The following TENM4 variants were observed in gnomAD, a reference collection of about 807,000 sequenced individuals.
TENM4 encodes teneurin transmembrane protein 4, also known as teneurin-4.
A neutral mutation model predicts 243.3 loss-of-function variants in TENM4; 82 were observed. The observed-to-expected ratio is 0.34, with a 90% CI of 0.28 to 0.40. The LOEUF (loss-of-function observed/expected upper bound fraction) is 0.40, where lower values mean the gene tolerates loss of function less well. TENM4 is among the 10% of genes least tolerant of loss of function. The pLI, the probability that TENM4 is intolerant of heterozygous loss-of-function variation, is 1.00. For synonymous variants in TENM4, 1,412 were observed against 1,456.3 expected (o/e 0.97, Z 0.69); for missense variants, 3,138 against 3,673.3 (o/e 0.85, Z 3.77).
chr11:78,758,412 T>TGGTA lies in TENM4; in HGVS notation c.2540-1395_2540-1392dup, dbSNP rs1309565213. On this transcript the variant is annotated intron_variant, in intron 18 of 33. Coordinates refer to ENST00000278550, the MANE Select transcript of TENM4 (RefSeq NM_001098816.3). ...TCCCATTGAGGTAAGCAGTGTGCTA[T>TGGTA]GGTAGGAGGACCATGATGTTCAGAG... is the stretch of plus-strand genomic sequence containing the variant. 1.8e-4 allele frequency among the ~76,000 whole-genome samples: 27 copies of TGGTA among 152,342 alleles called. No individual in the cohort carries two copies. The South Asian group carries it at 5.6e-3, about 32-fold the overall frequency.
chr11:78,699,625 A>G (rs1413708945), intron 28 of TENM4, among the ~76,000 whole-genome samples: 1 of 152,258 alleles, frequency 6.6e-6, no homozygotes, highest in African/African-American at 2.4e-5. Context: ...AGTCTTTGGA[A>G]TTCCAGACGC....
In TENM4 at chr11:79,151,587, C is replaced by T. The variant is rs560569915; in HGVS notation, c.-162-2781G>A. Among the ~76,000 whole-genome samples, 26 of 152,170 alleles carry T rather than the reference C, an allele frequency of 1.7e-4. No homozygotes were observed. The South Asian group carries it at 4.4e-3, about 26-fold the overall frequency. On this transcript the variant is annotated intron_variant, in intron 3 of 33. Transcript: ENST00000278550. ...AGTCATCCATGGGACCTGGCCGGGG[C>T]GCTTTCCGAGGTTACTAAACTAGAT...
At chr11:79,396,661 A>G (rs1409286950) in intron 1 of TENM4, among the ~76,000 whole-genome samples, 2 of 152,212 alleles carry the variant, frequency 1.3e-5, no homozygotes, top group Non-Finnish European at 2.9e-5. Context: ...ATAGCGCTCC[A>G]GCGGCCAAGC....
In TENM4 at chr11:78,854,137, A is replaced by C. The variant is rs1206617501; in HGVS notation, c.1648T>G (p.Ser550Ala). 2 of 1,551,444 alleles carry C rather than the reference A, an allele frequency of 1.3e-6. No individual in the cohort carries two copies. The highest frequency in any genetic ancestry group is 1.7e-6 in the Non-Finnish European group (2 of 1,146,922). ...HLAFYNDGKE[S>A]EVVSFLTTAI... ...GTGGTGAGAAAGGAAACCACTTCTG[A>C]CTCCTTTCCGTCATTGTAAAAAGCC... Residue 550 changes from serine (S) to alanine (A), a missense_variant, in exon 12 of 34, where the codon TCA becomes GCA. Ser to Ala is a moderately conservative substitution (Grantham distance 99, BLOSUM62 1). Around this residue, in one of 2 missense-constraint regions of TENM4, gnomAD observed 2,467 missense variants for 3,059.1 expected, o/e 0.81. Coordinates refer to ENST00000278550, the MANE Select transcript of TENM4 (RefSeq NM_001098816.3).
At chr11:78,817,922 C>T (rs756648896) in intron 12 of TENM4, among the ~76,000 whole-genome samples, 2 of 152,120 alleles carry the variant, frequency 1.3e-5, no homozygotes, top group Non-Finnish European at 2.9e-5. Flanking sequence ...AATGCCACCT[C>T]CTTGGAAAGG....
At chr11:79,198,391 G>T (rs904325498) in intron 3 of TENM4, among the ~76,000 whole-genome samples, 18 of 152,210 alleles carry the variant, frequency 1.2e-4, no homozygotes, top group Non-Finnish European at 1.9e-4. Flanking sequence ...GGCCTGGGGA[G>T]GCGCCAGGCC....
intron 6 of TENM4, among the ~76,000 whole-genome samples, chr11:79,025,583 TA>T (rs1859058729): frequency 6.6e-6 from 1 of 152,204 alleles, no homozygotes; most frequent in African/African-American, 2.4e-5. Flanking sequence ...TAGGTATTAT[TA>T]TTATCTCTAT....
intron 27 of TENM4, among the ~76,000 whole-genome samples, chr11:78,705,797 A>G (rs1462560071): frequency 6.6e-6 from 1 of 152,214 alleles, no homozygotes; most frequent in Non-Finnish European, 1.5e-5. Context: ...CACAATTGCT[A>G]CATGTGTCAC....
At chr11:79,295,850 CCG>C (rs1565287652) in intron 2 of TENM4, among the ~76,000 whole-genome samples, 1,289 of 91,682 alleles carry the variant, frequency 0.014, 21 homozygotes, top group African/African-American at 0.055. Context: ...AAAATTACAC[CCG>C]TAAGTGTTTT....
rs1221374639 is a variant in TENM4, at chr11:79,424,683, C to T, written c.-321+15826G>A. 4.0e-5 allele frequency among the ~76,000 whole-genome samples: 6 copies of T among 151,490 alleles called. No homozygotes were observed. The East Asian group carries it at 1.2e-3, about 30-fold the overall frequency. On this transcript the variant is annotated intron_variant, in intron 1 of 33. Transcript: ENST00000278550. The stretch of plus-strand genomic sequence containing the variant: ...GGCACAGAGGCTCACGCCTGTAATC[C>T]CAACACTTTGGGAGGCCGAGGCGGG...
rs577017649 is a variant in TENM4, at chr11:79,271,707, C to T, written c.-265+25781G>A. On this transcript the variant is annotated intron_variant, in intron 2 of 33. Coordinates refer to ENST00000278550, the MANE Select transcript of TENM4 (RefSeq NM_001098816.3). ...TGCCAGAGTGGTCCTGGCACGGGCT[C>T]TTCAGCCCACCTACTCCCCCAGCTC... Among the ~76,000 whole-genome samples, 861 of 152,342 alleles carry T rather than the reference C, an allele frequency of 5.7e-3. 6 individuals are homozygous for T. The highest frequency in any genetic ancestry group is 9.7e-3 in the Non-Finnish European group (658 of 68,030).
chr11:79,057,959 G>C (rs1329710530), intron 6 of TENM4, among the ~76,000 whole-genome samples: 1 of 152,126 alleles, frequency 6.6e-6, no homozygotes. Flanking sequence ...CTTCCATAAA[G>C]CTTTCTCAGA....
intron 2 of TENM4, among the ~76,000 whole-genome samples, chr11:79,253,658 C>T (rs1216216152): frequency 6.6e-6 from 1 of 152,154 alleles, no homozygotes; most frequent in African/African-American, 2.4e-5. Flanking sequence ...ATTAATCGCC[C>T]TGTTTTCTGT....
chr11:78,665,445 T>C (rs565378609), intron 32 of TENM4, among the ~76,000 whole-genome samples: 71 of 152,266 alleles, frequency 4.7e-4, no homozygotes, highest in Non-Finnish European at 9.0e-4. Context: ...CTAAGTTTTG[T>C]ATTTTTAGCA....
chr11:78,736,477 T>TGTGTGTGTGTGTGTGTGTGTGTGC (rs1328804792), intron 20 of TENM4, among the ~76,000 whole-genome samples: 6 of 102,122 alleles, frequency 5.9e-5, no homozygotes, highest in African/African-American at 2.0e-4. Context: ...TGTGTGTGTG[T>TGTGTGTGTGTGTGTGTGTGTGTGC]GTGCGCGCGC....
At chr11:79,008,428 T>C (rs1858548806) in intron 6 of TENM4, among the ~76,000 whole-genome samples, 1 of 152,176 alleles carries the variant, frequency 6.6e-6, no homozygotes, top group African/African-American at 2.4e-5. Context: ...AAAAGGAAAA[T>C]GAACTGTAGT....
intron 18 of TENM4, among the ~76,000 whole-genome samples, chr11:78,765,477 G>C (rs553412891): frequency 2.0e-5 from 3 of 152,236 alleles, no homozygotes; most frequent in Non-Finnish European, 4.4e-5. Flanking sequence ...TCTCCTTCTA[G>C]GTTGCATATA....
intron 10 of TENM4, among the ~76,000 whole-genome samples, chr11:78,861,151 T>G (rs1390676625): frequency 6.6e-6 from 1 of 152,242 alleles, no homozygotes; most frequent in Non-Finnish European, 1.5e-5. Context: ...ACCCATGGCA[T>G]CTGACGCTAG....
At chr11:79,260,731 C>T (rs888393742) in intron 2 of TENM4, among the ~76,000 whole-genome samples, 1 of 152,228 alleles carries the variant, frequency 6.6e-6, no homozygotes, top group African/African-American at 2.4e-5. Context: ...CCGGTGCCAA[C>T]TCAAGGCTCT....
Sources: allele counts gnomAD v4.1 joint callset (sites outside exome capture counted in the v4.1 genomes callset), GRCh38; gene constraint gnomAD v4.1.1; regional missense constraint gnomAD v4.1.1; transcripts MANE v1.5; gene names NCBI Gene and HGNC (gene_info 2026-07-23, HGNC 2026-07-21).